UBE2E2: variants seen among roughly 807,000 people sequenced by gnomAD.
The protein encoded by UBE2E2 is ubiquitin conjugating enzyme E2 E2, also known as ubiquitin-conjugating enzyme E2 E2.
UBE2E2 carries 6 observed loss-of-function variants against 24.7 expected under a neutral mutation model. The observed-to-expected ratio is 0.24, with a 90% CI of 0.13 to 0.48. The LOEUF is 0.48. Among genes scored for constraint, UBE2E2 ranks in the 20% least tolerant of loss-of-function variants. UBE2E2 has a pLI of 0.99. For synonymous variants in UBE2E2, 104 were observed against 83.6 expected (o/e 1.24, Z -1.33); for missense variants, 169 against 245.0 (o/e 0.69, Z 2.07).
intron 3 of UBE2E2, among the ~76,000 whole-genome samples, chr3:23,406,865 G>C (rs138182690): frequency 6.6e-6 from 1 of 152,310 alleles, no homozygotes; most frequent in African/African-American, 2.4e-5. Flanking sequence ...TTGATGAATT[G>C]CTTGCTAAAC....
chr3:23,588,403 TTTTTTTG>T (rs1299630043), intron 5 of UBE2E2, among the ~76,000 whole-genome samples: 157 of 97,754 alleles, frequency 1.6e-3, no homozygotes, highest in African/African-American at 8.4e-3. Flanking sequence ...TGTTTTTTTG[TTTTTTTG>T]TTTTTTTTTT....
At chr3:23,325,953 T>C (rs1694880608) in intron 3 of UBE2E2, among the ~76,000 whole-genome samples, 1 of 152,262 alleles carries the variant, frequency 6.6e-6, no homozygotes, top group Admixed American at 6.5e-5. Context: ...TTTAACCTGA[T>C]ACTTTTTCTG....
intron 3 of UBE2E2, among the ~76,000 whole-genome samples, chr3:23,387,950 G>C (rs1160796624): frequency 6.6e-6 from 1 of 152,096 alleles, no homozygotes; most frequent in Non-Finnish European, 1.5e-5. Flanking sequence ...TTACAGAAGA[G>C]ACATTTGGAT....
intron 4 of UBE2E2, 24 bp from the exon 5 acceptor site, chr3:23,532,530 A>T: frequency 6.7e-7 from 1 of 1,495,730 alleles, no homozygotes; most frequent in Non-Finnish European, 9.1e-7. Flanking sequence ...GTCTAACAAA[A>T]TATAACTTTA....
intron 3 of UBE2E2, among the ~76,000 whole-genome samples, chr3:23,241,664 GT>G (rs1045769804): frequency 6.6e-6 from 1 of 151,650 alleles, no homozygotes; most frequent in Admixed American, 6.6e-5. Context: ...TTTTCTTTCC[GT>G]AGGAGTTAAC....
At chr3:23,530,822 C>A (rs1056740392) in intron 4 of UBE2E2, among the ~76,000 whole-genome samples, 26 of 152,114 alleles carry the variant, frequency 1.7e-4, no homozygotes, top group Admixed American at 1.4e-3. Context: ...AAAACCCAAA[C>A]CTCCACTTTA....
chr3:23,328,662 CTTT>C (rs11433089), intron 3 of UBE2E2, among the ~76,000 whole-genome samples: 4 of 145,430 alleles, frequency 2.8e-5, no homozygotes, highest in Non-Finnish European at 3.0e-5. Context: ...CTCTCTCTCT[CTTT>C]TTTTTTTTTT....
At chr3:23,408,401 A>T (rs1575610486) in intron 3 of UBE2E2, among the ~76,000 whole-genome samples, 1 of 152,198 alleles carries the variant, frequency 6.6e-6, no homozygotes, top group South Asian at 2.1e-4. Context: ...AATCTGGATC[A>T]CACTGGGCAT....
At chr3:23,226,130 T>C (rs866008328) in intron 3 of UBE2E2, among the ~76,000 whole-genome samples, 22 of 152,122 alleles carry the variant, frequency 1.4e-4, no homozygotes, top group African/African-American at 4.3e-4. Flanking sequence ...CTGCCCTCCT[T>C]GGCCTCCTAA....
chr3:23,459,416 C>T (rs1169795730), intron 3 of UBE2E2, among the ~76,000 whole-genome samples: 1 of 152,200 alleles, frequency 6.6e-6, no homozygotes, highest in Non-Finnish European at 1.5e-5. Context: ...AATAGTTCAA[C>T]AGTTATTAAA....
At position 23,591,664 on chromosome 3, in the gene UBE2E2, T is replaced by G. The variant is rs548666798; in HGVS notation, c.*1833T>G. Reference sequence around the variant, plus strand: ...TTTATTTACCACCATAGGCATGGGATTTGGCCCATGGGTTGTAGTTTGCCA... The same window carrying G: ...TTTATTTACCACCATAGGCATGGGAGTTGGCCCATGGGTTGTAGTTTGCCA... On this transcript the variant is annotated 3_prime_UTR_variant, in exon 6 of 6. Transcript: ENST00000396703. The G allele has an allele frequency of 6.6e-6, 1 of 152,318 alleles. No homozygotes were observed. Among genetic ancestry groups the G allele is most frequent in the Admixed American group, 6.5e-5 (1 of 15,302 alleles). The allele number at this position is 152,318 out of a possible 1,614,324, so 9.4% of individuals were successfully genotyped here.
chr3:23,485,562 CTT>C (rs893400728), intron 3 of UBE2E2, among the ~76,000 whole-genome samples: 2 of 152,098 alleles, frequency 1.3e-5, no homozygotes, highest in African/African-American at 2.4e-5. Flanking sequence ...AAAAACCTCT[CTT>C]GTTTTTGTTG....
At chr3:23,573,962 T>A (rs1019441701) in intron 5 of UBE2E2, among the ~76,000 whole-genome samples, 2 of 151,872 alleles carry the variant, frequency 1.3e-5, no homozygotes, top group Non-Finnish European at 2.9e-5. Flanking sequence ...ACTAAAGCTG[T>A]GTGCAATGCT....
chr3:23,348,191 T>G (rs6805889), intron 3 of UBE2E2, among the ~76,000 whole-genome samples: 78,537 of 151,700 alleles, frequency 0.52, 20,564 homozygotes, highest in Admixed American at 0.6. Context: ...AATGAACCAG[T>G]CACTATGTTC....
intron 3 of UBE2E2, among the ~76,000 whole-genome samples, chr3:23,490,915 A>G (rs1459726530): frequency 6.6e-6 from 1 of 152,144 alleles, no homozygotes; most frequent in Non-Finnish European, 1.5e-5. Context: ...GTAAAGTGTG[A>G]TTGAGGGTAA....
At chr3:23,570,502 G>A (rs2125511816) in intron 5 of UBE2E2, among the ~76,000 whole-genome samples, 2 of 152,174 alleles carry the variant, frequency 1.3e-5, no homozygotes, top group Admixed American at 1.3e-4. Context: ...TTTTACTGAT[G>A]TAAACAATGT....
chr3:23,524,082 G>A (rs962074595), intron 4 of UBE2E2, among the ~76,000 whole-genome samples: 1 of 152,016 alleles, frequency 6.6e-6, no homozygotes, highest in African/African-American at 2.4e-5. Context: ...TTGAAAAATT[G>A]AAAAACATTA....
intron 3 of UBE2E2, among the ~76,000 whole-genome samples, chr3:23,326,971 G>C (rs982962146): frequency 2.0e-5 from 3 of 152,154 alleles, no homozygotes; most frequent in African/African-American, 7.2e-5. Flanking sequence ...ATGGTTTCCA[G>C]CTTCATCCAT....
At chr3:23,345,731 T>C (rs985499872) in intron 3 of UBE2E2, among the ~76,000 whole-genome samples, 13 of 152,218 alleles carry the variant, frequency 8.5e-5, no homozygotes, top group South Asian at 4.1e-4. Context: ...TAATGTCATG[T>C]TAAGCATTTA....
Sources: allele counts gnomAD v4.1 joint callset (sites outside exome capture counted in the v4.1 genomes callset), GRCh38; gene constraint gnomAD v4.1.1; transcripts MANE v1.5; gene names NCBI Gene and HGNC (gene_info 2026-07-23, HGNC 2026-07-21).